Variants in AJAP1 observed in about 807,000 individuals in gnomAD.
AJAP1 encodes adherens junctions associated protein 1, also known as adherens junction-associated protein 1.
Under a neutral mutation model 35.0 loss-of-function variants are expected in AJAP1, and 5 were observed. The observed-to-expected ratio is 0.14, with a 90% CI of 0.07 to 0.30. The LOEUF (loss-of-function observed/expected upper bound fraction) is 0.30. Ranked by LOEUF, AJAP1 falls within the 10% of genes least tolerant of loss-of-function variation. The probability of loss-of-function intolerance (pLI) is 1.00; values close to 1 mark genes in which losing one functional copy is unlikely to be tolerated. For synonymous variants in AJAP1, 284 were observed against 249.3 expected (o/e 1.14, Z -1.31); for missense variants, 586 against 571.0 (o/e 1.03, Z -0.27).
At chr1:4,690,728 A>C (rs1396729871) in intron 1 of AJAP1, among the ~76,000 whole-genome samples, 1 of 152,180 alleles carries the variant, frequency 6.6e-6, no homozygotes, top group East Asian at 1.9e-4. Flanking sequence ...GTCCCAGGCC[A>C]CACGGTCCAC....
At chr1:4,746,419 G>A (rs1021116500) in intron 2 of AJAP1, among the ~76,000 whole-genome samples, 2 of 152,122 alleles carry the variant, frequency 1.3e-5, no homozygotes, top group Non-Finnish European at 2.9e-5. Flanking sequence ...CATATCTTTT[G>A]GGGGAGGGAG....
rs528904941 is a variant in AJAP1 at position 4,655,854 on chromosome 1, G to A, written c.29+400G>A. 3.7e-3 allele frequency among the ~76,000 whole-genome samples: 555 copies of A among 150,986 alleles called. 2 individuals carry two copies. The highest frequency in any genetic ancestry group is 5.8e-3 in the Non-Finnish European group (393 of 67,610). ...GGCGGGCGCGGGGGCCGGGGCTGCC[G>A]GGGAAAGCTAAAGCTCCGGGCTCCC... On this transcript the variant is annotated intron_variant, in intron 1 of 5. Transcript: ENST00000378191. The surrounding 1 kb of genome is among the most constrained non-coding windows in gnomAD (Gnocchi z 6.9).
At chr1:4,658,726 C>T (rs537496004) in intron 1 of AJAP1, among the ~76,000 whole-genome samples, 16 of 152,360 alleles carry the variant, frequency 1.1e-4, no homozygotes, top group African/African-American at 3.1e-4. Context: ...TGGCAGACTC[C>T]TCCCAGTGTG....
At chr1:4,769,590 A>G (rs1641786219) in intron 2 of AJAP1, among the ~76,000 whole-genome samples, 1 of 152,114 alleles carries the variant, frequency 6.6e-6, no homozygotes, top group Non-Finnish European at 1.5e-5. Context: ...CGGCTTGGAG[A>G]CTGACAGGGT....
chr1:4,686,928 C>T (rs559880286), intron 1 of AJAP1, among the ~76,000 whole-genome samples: 2 of 152,286 alleles, frequency 1.3e-5, no homozygotes, highest in African/African-American at 2.4e-5. Context: ...CCACTTCTGC[C>T]GAGGGGTCAG....
chr1:4,768,744 C>T (rs1156854460), intron 2 of AJAP1, among the ~76,000 whole-genome samples: 1 of 152,192 alleles, frequency 6.6e-6, no homozygotes, highest in East Asian at 1.9e-4. Context: ...TTGGCGGACT[C>T]CCTCACTGCC....
rs907796472 is a variant in AJAP1 at position 4,692,025 on chromosome 1, A to C, written c.30-19875A>C. 6.6e-6 allele frequency among the ~76,000 whole-genome samples: 1 copy of C among 152,164 alleles called. No individual in the cohort carries two copies. Reference sequence around the variant, plus strand: ...GGGAGCCAAGAACAGCCTTTGCCCCAGGCCGGGTGTCCCTGAGACTGGCCG... The same window carrying C: ...GGGAGCCAAGAACAGCCTTTGCCCCCGGCCGGGTGTCCCTGAGACTGGCCG... On this transcript the variant is annotated intron_variant, in intron 1 of 5. Coordinates refer to ENST00000378191, the MANE Select transcript of AJAP1 (RefSeq NM_018836.4). This position sits in a 1 kb window ranked among gnomAD's most constrained non-coding sequence, Gnocchi z 4.4.
chr1:4,761,098 G>A (rs1641554545), intron 2 of AJAP1, among the ~76,000 whole-genome samples: 1 of 152,180 alleles, frequency 6.6e-6, no homozygotes, highest in Non-Finnish European at 1.5e-5. Context: ...CGAACCTTTG[G>A]AAAGCCTTTT....
intron 2 of AJAP1, among the ~76,000 whole-genome samples, chr1:4,717,097 G>C (rs2100275632): frequency 6.6e-6 from 1 of 152,326 alleles, no homozygotes; most frequent in South Asian, 2.1e-4. Flanking sequence ...TCTCTTGCTG[G>C]TCAGGTTTCG....
chr1:4,779,844 CAT>C (rs1642025902), intron 5 of AJAP1, among the ~76,000 whole-genome samples: 1 of 151,996 alleles, frequency 6.6e-6, no homozygotes, highest in African/African-American at 2.4e-5. Context: ...ATATATGTAA[CAT>C]AAAATTTACC....
At position 4,692,933 on chromosome 1, in the gene AJAP1, G is replaced by A. The variant is rs1389524427; in HGVS notation, c.30-18967G>A. On this transcript the variant is annotated intron_variant, in intron 1 of 5. Coordinates refer to ENST00000378191, the MANE Select transcript of AJAP1 (RefSeq NM_018836.4). This position sits in a 1 kb window ranked among gnomAD's most constrained non-coding sequence, Gnocchi z 4.4. ...GAGGTGTGCCCCATTCTGGAACCCA[G>A]TGCTCATTGCAGCTGCTTTATTAGG... Among the ~76,000 whole-genome samples the A allele has an allele frequency of 6.6e-6, 1 of 152,256 alleles. No individual in the cohort carries two copies. Among genetic ancestry groups the A allele is most frequent in the Non-Finnish European group, 1.5e-5 (1 of 68,050 alleles).
At chr1:4,766,547 C>T (rs1391992411) in intron 2 of AJAP1, among the ~76,000 whole-genome samples, 7 of 152,184 alleles carry the variant, frequency 4.6e-5, no homozygotes, top group Non-Finnish European at 7.3e-5. Flanking sequence ...TGTCAGAAGT[C>T]CCAGTCCTTG....
intron 5 of AJAP1, among the ~76,000 whole-genome samples, chr1:4,776,702 G>T (rs999221535): frequency 6.6e-6 from 1 of 152,210 alleles, no homozygotes; most frequent in Non-Finnish European, 1.5e-5. Flanking sequence ...GCCCTGTGCT[G>T]CAGCCCCAGG....
intron 2 of AJAP1, among the ~76,000 whole-genome samples, chr1:4,736,953 G>T (rs1323246294): frequency 6.6e-6 from 1 of 152,114 alleles, no homozygotes; most frequent in African/African-American, 2.4e-5. Context: ...CCCTGCGGGG[G>T]CTTATTTTCA....
rs1638863514 is a variant in AJAP1 at position 4,655,681 on chromosome 1, G to C, written c.29+227G>C. On this transcript the variant is annotated intron_variant, in intron 1 of 5. Coordinates refer to ENST00000378191, the MANE Select transcript of AJAP1 (RefSeq NM_018836.4). This position sits in a 1 kb window ranked among gnomAD's most constrained non-coding sequence, Gnocchi z 6.9. ...TCCAGGGTTCCGCGCGTCCGGGGTC[G>C]GGGCAGCGGCGCCCGCCCCAGCAAC... Among the ~76,000 whole-genome samples the C allele has an allele frequency of 6.6e-6, 1 of 150,962 alleles. No homozygotes were observed. Among genetic ancestry groups the C allele is most frequent in the Admixed American group, 6.6e-5 (1 of 15,170 alleles).
At chr1:4,710,165 CACAG>C (rs1206339212) in intron 1 of AJAP1, among the ~76,000 whole-genome samples, 2 of 106,312 alleles carry the variant, frequency 1.9e-5, no homozygotes, top group Non-Finnish European at 4.0e-5. Context: ...GATACTCTCA[CACAG>C]ACACACTCAC....
chr1:4,660,278 C>G (rs1638973271), intron 1 of AJAP1, among the ~76,000 whole-genome samples: 1 of 152,214 alleles, frequency 6.6e-6, no homozygotes, highest in South Asian at 2.1e-4. Context: ...AATACTCATA[C>G]TACTACTGCT....
chr1:4,667,495 G>A (rs1046238790), intron 1 of AJAP1, among the ~76,000 whole-genome samples: 1 of 152,184 alleles, frequency 6.6e-6, no homozygotes, highest in African/African-American at 2.4e-5. Context: ...GGATAAAACT[G>A]TTCCACCTCA....
chr1:4,770,859 C>T (rs543457267), intron 3 of AJAP1, among the ~76,000 whole-genome samples: 3 of 152,284 alleles, frequency 2.0e-5, no homozygotes, highest in Non-Finnish European at 4.4e-5. Flanking sequence ...TCCCACTCGG[C>T]TAGCGAGGCC....
Sources: gnomAD v4.1 joint callset for allele counts (sites outside exome capture counted in the v4.1 genomes callset) on GRCh38, gnomAD v4.1.1 for gene constraint, Gnocchi (gnomAD v3.1) non-coding constraint, MANE v1.5 for transcripts, NCBI Gene and HGNC (gene_info 2026-07-23, HGNC 2026-07-21) for gene names.